Variants in KSR2 observed in about 807,000 individuals in gnomAD.
The protein encoded by KSR2 is kinase suppressor of ras 2.
In KSR2, 25 loss-of-function variants were observed where a neutral mutation model predicts 107.8. The observed-to-expected ratio is 0.23, with a 90% CI of 0.17 to 0.32. KSR2 has a LOEUF of 0.32. KSR2 is among the 10% of genes least tolerant of loss of function. KSR2 has a pLI of 1.00. For synonymous variants in KSR2, 480 were observed against 507.0 expected (o/e 0.95, Z 0.71); for missense variants, 887 against 1,268.9 (o/e 0.70, Z 4.57).
chr12:117,631,387 C>T (rs886200415), intron 5 of KSR2, among the ~76,000 whole-genome samples: 4 of 152,180 alleles, frequency 2.6e-5, no homozygotes. Flanking sequence ...AATTTTAAAA[C>T]AGCAAGCCTA....
intron 4 of KSR2, among the ~76,000 whole-genome samples, chr12:117,717,669 GT>G (rs1887041412): frequency 3.3e-3 from 12 of 3,646 alleles, no homozygotes; most frequent in Admixed American, 0.03. Flanking sequence ...GCAGACAGGT[GT>G]GTGTGTGTGT....
chr12:117,796,112 G>C (rs1890618346), intron 3 of KSR2, among the ~76,000 whole-genome samples: 1 of 150,508 alleles, frequency 6.6e-6, no homozygotes, highest in Admixed American at 6.6e-5. Flanking sequence ...TTTTTTTGTA[G>C]AGATGGGGGA....
chr12:117,558,167 TC>T (rs1877838246), intron 8 of KSR2, among the ~76,000 whole-genome samples: 1 of 152,150 alleles, frequency 6.6e-6, no homozygotes, highest in Non-Finnish European at 1.5e-5. Flanking sequence ...CAGCCAGTGC[TC>T]TTTTTTTGGT....
intron 3 of KSR2, among the ~76,000 whole-genome samples, chr12:117,806,623 A>AC (rs1891017266): frequency 2.0e-5 from 3 of 151,498 alleles, no homozygotes; most frequent in South Asian, 2.1e-4. Context: ...CATTTATATC[A>AC]CCCCCAGAGG....
intron 5 of KSR2, among the ~76,000 whole-genome samples, chr12:117,658,479 C>A (rs958763764): frequency 6.6e-6 from 1 of 152,176 alleles, no homozygotes. Flanking sequence ...TGAAACACAG[C>A]CACATCCATT....
chr12:117,772,479 C>CACAA (rs1241020760), intron 3 of KSR2, among the ~76,000 whole-genome samples: 27 of 144,784 alleles, frequency 1.9e-4, no homozygotes, highest in Admixed American at 4.8e-4. Context: ...CCCAAAGACG[C>CACAA]ACACACACTC....
chr12:117,475,826 T>G (rs942114863), intron 17 of KSR2, among the ~76,000 whole-genome samples: 2 of 152,224 alleles, frequency 1.3e-5, no homozygotes, highest in Non-Finnish European at 2.9e-5. Context: ...TTTCTGAGAC[T>G]AGATCATAAA....
chr12:117,841,320 T>C (rs184482870), intron 3 of KSR2, among the ~76,000 whole-genome samples: 1 of 152,256 alleles, frequency 6.6e-6, no homozygotes, highest in Non-Finnish European at 1.5e-5. Context: ...AACATAATCA[T>C]GCGCCCACAG....
intron 1 of KSR2, among the ~76,000 whole-genome samples, chr12:117,908,511 C>T (rs1442790665): frequency 6.6e-6 from 1 of 152,128 alleles, no homozygotes; most frequent in Non-Finnish European, 1.5e-5. Flanking sequence ...CAGCTTAGAT[C>T]GTTACATATC....
At chr12:117,941,478 C>A (rs1307403896) in intron 1 of KSR2, among the ~76,000 whole-genome samples, 1 of 152,122 alleles carries the variant, frequency 6.6e-6, no homozygotes, top group Non-Finnish European at 1.5e-5. Context: ...CTGCTTCCAG[C>A]CTCTTAGCTC....
At chr12:117,776,120 T>C (rs1889676528) in intron 3 of KSR2, among the ~76,000 whole-genome samples, 5 of 151,932 alleles carry the variant, frequency 3.3e-5, no homozygotes, top group Admixed American at 3.3e-4. Context: ...TTAAAAAAGA[T>C]CCACCCATCT....
intron 7 of KSR2, among the ~76,000 whole-genome samples, chr12:117,578,028 C>A (rs1253984670): frequency 1.3e-5 from 2 of 152,132 alleles, no homozygotes; most frequent in Non-Finnish European, 2.9e-5. Context: ...TCCTCCCTAC[C>A]TTTTGCTAGC....
chr12:117,946,789 C>T (rs1896191829), intron 1 of KSR2, among the ~76,000 whole-genome samples: 1 of 152,026 alleles, frequency 6.6e-6, no homozygotes, highest in Non-Finnish European at 1.5e-5. Context: ...TGGAGTTTAT[C>T]CCAGGAATGC....
chr12:117,625,293 G>A (rs879130172), intron 5 of KSR2, among the ~76,000 whole-genome samples: 2 of 152,170 alleles, frequency 1.3e-5, no homozygotes, highest in African/African-American at 4.8e-5. Flanking sequence ...TTTTCAAAGG[G>A]AATGCTTCCA....
intron 12 of KSR2, 49 bp downstream of exon 12, chr12:117,530,892 C>T: frequency 6.6e-7 from 1 of 1,520,170 alleles, no homozygotes; most frequent in Non-Finnish European, 9.1e-7. Context: ...ATTGTAGGGC[C>T]AGGGCTGGGA....
At chr12:117,919,764 T>C (rs1306306079) in intron 1 of KSR2, among the ~76,000 whole-genome samples, 2 of 152,252 alleles carry the variant, frequency 1.3e-5, no homozygotes, top group Non-Finnish European at 2.9e-5. Flanking sequence ...CCCATCGCCT[T>C]TCTCTGCCTT....
Position 117,687,506 on chromosome 12 carries a change from T to C in KSR2, c.987-19848A>G, listed in dbSNP as rs180955660. Among the ~76,000 whole-genome samples, 20 of 152,308 alleles carry C rather than the reference T, an allele frequency of 1.3e-4. No homozygotes were observed. In the East Asian group the frequency reaches 2.9e-3, roughly 22 times the overall value. ...TTTGCTTATTTGGGATCAAACAGTA[T>C]AGAGGGTGGGCTCGCTGCAAATTGT... On this transcript the variant is annotated intron_variant, in intron 4 of 19. Coordinates refer to ENST00000339824, the MANE Select transcript of KSR2 (RefSeq NM_173598.6).
At chr12:117,669,075 G>A (rs913051248) in intron 4 of KSR2, among the ~76,000 whole-genome samples, 4 of 152,094 alleles carry the variant, frequency 2.6e-5, no homozygotes, top group African/African-American at 4.8e-5. Flanking sequence ...TCCTACACAC[G>A]GGCATTGGTC....
At chr12:117,595,822 C>A (rs1880611154) in intron 5 of KSR2, among the ~76,000 whole-genome samples, 1 of 152,186 alleles carries the variant, frequency 6.6e-6, no homozygotes, top group Admixed American at 6.5e-5. Context: ...AAAGTAGCAG[C>A]AGCCTGATTT....
Sources: allele counts gnomAD v4.1 joint callset (sites outside exome capture counted in the v4.1 genomes callset), GRCh38; gene constraint gnomAD v4.1.1; transcripts MANE v1.5; gene names NCBI Gene and HGNC (gene_info 2026-07-23, HGNC 2026-07-21).